BAZ2A: variants seen among roughly 807,000 people sequenced by gnomAD.
BAZ2A encodes the protein bromodomain adjacent to zinc finger domain protein 2A.
Under a neutral mutation model 199.9 loss-of-function variants are expected in BAZ2A, and 34 were observed. That is an observed-to-expected ratio of 0.17 (90% confidence interval 0.13 to 0.23). BAZ2A has a LOEUF of 0.23. Ranked by LOEUF, BAZ2A falls within the 10% of genes least tolerant of loss-of-function variation. BAZ2A has a pLI of 1.00. For missense variants in BAZ2A, 2,002 were observed against 2,391.1 expected (o/e 0.84, Z 3.39); for synonymous variants, 857 against 883.9 (o/e 0.97, Z 0.54).
chr12:56,628,980 G>A (rs2137385043), intron 1 of BAZ2A, among the ~76,000 whole-genome samples: 1 of 151,374 alleles, frequency 6.6e-6, no homozygotes, highest in East Asian at 1.9e-4. Flanking sequence ...AAGGGATTGG[G>A]ATACGTGAGT....
At chr12:56,612,321 A>C in intron 5 of BAZ2A, 75 bp from the exon 6 acceptor site, 1 of 1,312,160 alleles carries the variant, frequency 7.6e-7, no homozygotes, top group Non-Finnish European at 1.0e-6. Context: ...CTACTCAGTC[A>C]ACCCTGGACC....
intron 6 of BAZ2A, 29 bp from the exon 7 acceptor site, chr12:56,611,662 A>G: frequency 1.3e-6 from 2 of 1,578,958 alleles, no homozygotes; most frequent in Non-Finnish European, 1.7e-6. Context: ...CCAAGTTAAG[A>G]GTTCAAGCAA....
intron 1 of BAZ2A, among the ~76,000 whole-genome samples, chr12:56,619,458 A>G (rs1352787109): frequency 6.7e-6 from 1 of 148,316 alleles, no homozygotes; most frequent in Non-Finnish European, 1.5e-5. Context: ...GCAGTGAACC[A>G]TGATCATGCC....
Position 56,595,825 on chromosome 12 carries a change from C to CTGTT in BAZ2A, c.*2789_*2792dup, listed in dbSNP as rs1437637641. The CTGTT allele has an allele frequency of 6.6e-6, 1 of 152,430 alleles. No individual in the cohort carries two copies. Among genetic ancestry groups the CTGTT allele is most frequent in the Non-Finnish European group, 1.5e-5 (1 of 68,042 alleles). 9.4% of individuals were successfully genotyped at this position (152,430 alleles called of 1,614,324 possible). On this transcript the variant is annotated 3_prime_UTR_variant, in exon 29 of 29. Coordinates refer to ENST00000549884, the MANE Select transcript of BAZ2A (RefSeq NM_001300905.2). ...CACAGAGGGTATGGAACAGGAGCCC[C>CTGTT]TGTTGTTCCCTTGCCTGTGGTCTCT...
chr12:56,622,627 C>G (rs1184431877), intron 1 of BAZ2A, among the ~76,000 whole-genome samples: 1 of 152,162 alleles, frequency 6.6e-6, no homozygotes, highest in African/African-American at 2.4e-5. Flanking sequence ...CTAGTAAGAA[C>G]AGTAAAGCAA....
chr12:56,630,435 T>C (rs1336847981), upstream of BAZ2A: 3 of 315,078 alleles, frequency 9.5e-6, no homozygotes, highest in African/African-American at 6.8e-5. Flanking sequence ...GACCCGGACC[T>C]GGGTCCTAGC....
intron 1 of BAZ2A, among the ~76,000 whole-genome samples, chr12:56,618,826 C>T (rs1255328225): frequency 3.3e-5 from 5 of 151,592 alleles, no homozygotes; most frequent in Admixed American, 6.6e-5. Context: ...GCTGAAATTG[C>T]GCCATTGCAC....
rs772240047 is a variant in BAZ2A at position 56,595,934 on chromosome 12, T to TATCA, written c.*2680_*2683dup. The TATCA allele has an allele frequency of 9.6e-5, 5 of 52,000 alleles. No individual in the cohort carries two copies. The highest frequency in any genetic ancestry group is 2.6e-4 in the African/African-American group (3 of 11,698). 3.2% of individuals were successfully genotyped at this position (52,000 alleles called of 1,614,324 possible). On this transcript the variant is annotated 3_prime_UTR_variant, in exon 29 of 29. Coordinates refer to ENST00000549884, the MANE Select transcript of BAZ2A (RefSeq NM_001300905.2). ...GAATACACAGAGTCTTTTGAATCTC[T>TATCA]ATCAAATGTGGTTTTTTTTATTCAA...
At chr12:56,605,753 A>G in intron 13 of BAZ2A, 77 bp downstream of exon 13, 1 of 1,389,454 alleles carries the variant, frequency 7.2e-7, no homozygotes, top group Non-Finnish European at 9.7e-7. Context: ...TGTCTCTCCC[A>G]TTGCAGAAGT....
At chr12:56,606,577 T>C (rs565605476) in intron 11 of BAZ2A, 56 bp downstream of exon 11, 1 of 1,497,766 alleles carries the variant, frequency 6.7e-7, no homozygotes, top group East Asian at 2.3e-5. Flanking sequence ...AAATAAAAGA[T>C]GAAGTAAGTT....
upstream of BAZ2A, chr12:56,631,015 T>A: frequency 2.7e-6 from 1 of 364,110 alleles, no homozygotes; most frequent in Non-Finnish European, 3.8e-6. Flanking sequence ...GTTCTGGGAA[T>A]TTTTTTCTGA....
At chr12:56,626,406 G>A (rs535848443) in intron 1 of BAZ2A, among the ~76,000 whole-genome samples, 3 of 152,288 alleles carry the variant, frequency 2.0e-5, no homozygotes, top group Admixed American at 6.5e-5. Flanking sequence ...CTTCAGTGGT[G>A]ACAAGAAAGG....
chr12:56,605,709 T>C (rs952618339), intron 13 of BAZ2A, 121 bp downstream of exon 13: 1 of 1,134,878 alleles, frequency 8.8e-7, no homozygotes, highest in Non-Finnish European at 1.2e-6. Flanking sequence ...GTGTGAGCCA[T>C]GGCACCCGGC....
Position 56,610,439 on chromosome 12 carries a change from C to A in BAZ2A, c.1749G>T (p.Lys583Asn), listed in dbSNP as rs1275860577. Residue 583 changes from lysine (K) to asparagine (N), a missense_variant, in exon 8 of 29, where the codon AAG (lysine) becomes AAT (asparagine). By Grantham distance (94) the Lys-to-Asn change is moderately conservative. This residue lies in a region of BAZ2A where 74 missense variants were observed against 126.1 expected (regional missense o/e 0.59). Transcript: ENST00000549884. The stretch of plus-strand genomic sequence containing the variant: ...TCACTTCTGGAAATTGCTTCATCCT[C>A]TTCCCACAGGGGCCATAATACCAGG... ...GETWYYGPCG[K>N]RMKQFPEVIK... 6.2e-7 allele frequency: 1 copy of A among 1,613,900 alleles called. No homozygotes were observed. The highest frequency in any genetic ancestry group is 1.1e-5 in the South Asian group (1 of 91,060).
upstream of BAZ2A, among the ~76,000 whole-genome samples, chr12:56,637,776 A>G (rs1207845858): frequency 1.3e-5 from 2 of 152,114 alleles, no homozygotes; most frequent in East Asian, 3.9e-4. Flanking sequence ...AGGCCAAAAA[A>G]AAAAAAAAAT....
Position 56,636,313 on chromosome 12 carries a change from C to G in BAZ2A, c.-128G>C. The G allele has an allele frequency of 8.6e-6, 13 of 1,507,426 alleles. 1 individual carries two copies. In the South Asian group the frequency reaches 1.6e-4, roughly 19 times the overall value. 93.4% of individuals were successfully genotyped at this position (1,507,426 alleles called of 1,614,324 possible). ...TGGGAACTAGCAAGAATCAAAAAGC[C>G]AGTGTATGCTTCCTGCGAACCACAC... On this transcript the variant is annotated 5_prime_UTR_variant, in exon 1 of 30. Coordinates refer to the BAZ2A transcript ENST00000379441.
At chr12:56,625,563 CA>C (rs1361150334) in intron 1 of BAZ2A, among the ~76,000 whole-genome samples, 1 of 151,984 alleles carries the variant, frequency 6.6e-6, no homozygotes, top group African/African-American at 2.4e-5. Context: ...AGTCCAACCT[CA>C]AAAGACTAAA....
chr12:56,609,848 C>T lies in BAZ2A; in HGVS notation c.1980G>A (p.Lys660=). ...RGRPRNTEKA[K]TKEVPKVKRG... is the part of the protein sequence containing the mutation. Reference sequence around the variant, plus strand: ...GTTTCACCTTGGGGACTTCCTTAGTCTTAGCCTTCTCAGTGTTTCGAGGTC... The same window carrying T: ...GTTTCACCTTGGGGACTTCCTTAGTTTTAGCCTTCTCAGTGTTTCGAGGTC... The change falls in exon 10 of 29, where the codon AAG becomes AAA. Residue 660 remains lysine, a synonymous_variant. Coordinates refer to ENST00000549884, the MANE Select transcript of BAZ2A (RefSeq NM_001300905.2). 6.2e-7 allele frequency: 1 copy of T among 1,613,832 alleles called. No individual in the cohort carries two copies. The highest frequency in any genetic ancestry group is 8.5e-7 in the Non-Finnish European group (1 of 1,179,850).
In BAZ2A at chr12:56,617,498, G is replaced by T. The variant is rs1290017485; in HGVS notation, c.33C>A (p.Gly11=). Residue 11 remains glycine, a synonymous_variant, in exon 2 of 29, where the codon GGC becomes GGA. Coordinates refer to ENST00000549884, the MANE Select transcript of BAZ2A (RefSeq NM_001300905.2). ...CTGAGGCAGCAGGTGCAGGGGGAAG[G>T]CCAGTAAAGTTAAAATGGTCGTTTG... MEANDHFNFT[G]LPPAPAASGL... is the part of the protein sequence containing the mutation. The T allele has an allele frequency of 6.2e-7, 1 of 1,609,000 alleles. No individual in the cohort carries two copies. The highest frequency in any genetic ancestry group is 2.2e-5 in the East Asian group (1 of 44,668).
Sources: gnomAD v4.1 joint callset for allele counts (sites outside exome capture counted in the v4.1 genomes callset) on GRCh38, gnomAD v4.1.1 for gene constraint, gnomAD v4.1.1 regional missense constraint, MANE v1.5 for transcripts, NCBI Gene and HGNC (gene_info 2026-07-23, HGNC 2026-07-21) for gene names.